The following MEGF10 variants were observed in gnomAD, a reference collection of about 807,000 sequenced individuals.
MEGF10 encodes multiple EGF like domains 10.
In MEGF10, 86 loss-of-function variants were observed where a neutral mutation model predicts 147.5. That is an observed-to-expected ratio of 0.58 (90% CI 0.49 to 0.70). The LOEUF (loss-of-function observed/expected upper bound fraction) is 0.70. Ranked by LOEUF, MEGF10 falls within the 30% of genes least tolerant of loss-of-function variation. MEGF10 has a pLI of 0.00. For missense variants in MEGF10, 1,329 were observed against 1,487.3 expected (o/e 0.89, Z 1.75); for synonymous variants, 478 against 525.5 (o/e 0.91, Z 1.24).
intron 1 of MEGF10, among the ~76,000 whole-genome samples, chr5:127,323,922 G>A (rs1412528081): frequency 6.6e-6 from 1 of 152,162 alleles, no homozygotes; most frequent in Non-Finnish European, 1.5e-5. Flanking sequence ...TTGAGCATCC[G>A]AATATCATAG....
chr5:127,231,102 A>G, the MEGF10 span, among the ~76,000 whole-genome samples: 2 of 152,124 alleles, frequency 1.3e-5, no homozygotes, highest in African/African-American at 2.4e-5. Context: ...TAAAGAACTG[A>G]ATCCTCCCCC....
In MEGF10 at chr5:127,423,744, A is replaced by G. The variant is rs79755334; in HGVS notation, c.1693+972A>G. Among the ~76,000 whole-genome samples, 1,339 of 152,126 alleles carry G rather than the reference A, an allele frequency of 8.8e-3. 21 individuals are homozygous for G. The highest frequency in any genetic ancestry group is 0.031 in the African/African-American group (1,284 of 41,508). On this transcript the variant is annotated intron_variant, in intron 13 of 24. Transcript: ENST00000503335. ...TTTTTAACTGGATTTTCTTTTTACT[A>G]TGGCGTTATAATCTTTATATTTTTT...
chr5:127,257,191 G>A, the MEGF10 span, among the ~76,000 whole-genome samples: 4 of 151,922 alleles, frequency 2.6e-5, no homozygotes, highest in Non-Finnish European at 4.4e-5. Context: ...CTGTGTGTGG[G>A]TGTGACTCCC....
chr5:127,268,627 A>C, the MEGF10 span, among the ~76,000 whole-genome samples: 1 of 152,232 alleles, frequency 6.6e-6, no homozygotes, highest in Non-Finnish European at 1.5e-5. Flanking sequence ...CAACTCAAGG[A>C]GGCCTGCCTG....
At chr5:127,358,139 A>G (rs1421283303) in intron 4 of MEGF10, among the ~76,000 whole-genome samples, 2 of 152,180 alleles carry the variant, frequency 1.3e-5, no homozygotes, top group Non-Finnish European at 2.9e-5. Context: ...CCGAAATGCA[A>G]AGGTTCCTGA....
Position 127,366,200 on chromosome 5 carries a change from G to A in MEGF10, c.320-3710G>A, listed in dbSNP as rs17165033. 7.8e-3 allele frequency among the ~76,000 whole-genome samples: 1,183 copies of A among 152,234 alleles called. 15 individuals are homozygous for A. The highest frequency in any genetic ancestry group is 0.028 in the African/African-American group (1,146 of 41,532). On this transcript the variant is annotated intron_variant, in intron 4 of 24. Transcript: ENST00000503335. ...GTGTCATGAATGTGCCATAGTCAGT[G>A]TTTCTGCACCTTGGTGAGTTGGGAC...
At chr5:127,387,322 C>T (rs1763469811) in intron 5 of MEGF10, among the ~76,000 whole-genome samples, 2 of 152,108 alleles carry the variant, frequency 1.3e-5, no homozygotes, top group African/African-American at 4.8e-5. Flanking sequence ...TCCATGTGTT[C>T]AAAGACTTTT....
intron 2 of MEGF10, among the ~76,000 whole-genome samples, chr5:127,335,937 A>G (rs188207888): frequency 3.3e-5 from 5 of 151,438 alleles, no homozygotes; most frequent in African/African-American, 9.7e-5. Flanking sequence ...AAGAAAAATA[A>G]TGTGTAAGAA....
Position 127,433,422 on chromosome 5 carries a change from TG to T in MEGF10, c.1754del (p.Cys585SerfsTer164). 1 of 1,614,100 alleles carries T rather than the reference TG, an allele frequency of 6.2e-7. No individual in the cohort carries two copies. Among genetic ancestry groups the T allele is most frequent in the Non-Finnish European group, 8.5e-7 (1 of 1,179,972 alleles). ...CTGGGGCCCCAACTGCTCCCTGCCC[TG>T]CTACTGTAAAAATGGGGCTTCATGC... Reference protein sequence around the residue: ...GRWGPNCSLPCYCKNGASCSP... With the variant: ...GRWGPNCSLPXYCKNGASCSP... On this transcript the variant is annotated frameshift_variant, in exon 14 of 25. Transcript: ENST00000503335. LOFTEE classifies it high-confidence loss of function.
rs76172546 is a variant in MEGF10, at chr5:127,384,129, C to A, written c.413-12403C>A. Among the ~76,000 whole-genome samples the A allele has an allele frequency of 1.5e-3, 230 of 152,282 alleles. 2 individuals carry two copies. The highest frequency in any genetic ancestry group is 5.4e-3 in the African/African-American group (223 of 41,542). On this transcript the variant is annotated intron_variant, in intron 5 of 24. Transcript: ENST00000503335. Reference sequence around the variant, plus strand: ...ACATGGACATAGGTCCTCTATGTTCCCAGCAATGTGTGCAATCCTGTCTCG... The same window carrying A: ...ACATGGACATAGGTCCTCTATGTTCACAGCAATGTGTGCAATCCTGTCTCG...
At chr5:127,415,113 A>G (rs1038754621) in intron 9 of MEGF10, among the ~76,000 whole-genome samples, 1 of 152,192 alleles carries the variant, frequency 6.6e-6, no homozygotes, top group African/African-American at 2.4e-5. Flanking sequence ...GAGAAATCCA[A>G]TGTGGTCAAG....
the MEGF10 span, among the ~76,000 whole-genome samples, chr5:127,271,890 T>G: frequency 6.6e-6 from 1 of 152,200 alleles, no homozygotes; most frequent in African/African-American, 2.4e-5. Flanking sequence ...ATTAATACAC[T>G]ATTTCGAGTT....
At chr5:127,366,756 C>T (rs543500921) in intron 4 of MEGF10, among the ~76,000 whole-genome samples, 6 of 152,270 alleles carry the variant, frequency 3.9e-5, no homozygotes, top group African/African-American at 1.4e-4. Context: ...TTTCATAAAA[C>T]ACAAAGTTTG....
chr5:127,447,364 AG>A (rs1248458417), intron 20 of MEGF10, among the ~76,000 whole-genome samples, 192 bp from the exon 21 acceptor site: 2 of 152,008 alleles, frequency 1.3e-5, no homozygotes, highest in African/African-American at 4.8e-5. Flanking sequence ...CTTTTAGTAG[AG>A]ATGGGGTTTT....
chr5:127,390,194 G>A lies in MEGF10; in HGVS notation c.413-6338G>A, dbSNP rs144780417. Among the ~76,000 whole-genome samples, 472 of 152,140 alleles carry A rather than the reference G, an allele frequency of 3.1e-3. 4 individuals are homozygous for A. The highest frequency in any genetic ancestry group is 0.011 in the African/African-American group (450 of 41,510). On this transcript the variant is annotated intron_variant, in intron 5 of 24. Transcript: ENST00000503335. ...CCCTTTTCCCTCTTTTCCCCAGATAGTAGTTTCAACCATATGCAGTTGCTG... is the reference window on the plus strand; with the variant it reads ...CCCTTTTCCCTCTTTTCCCCAGATAATAGTTTCAACCATATGCAGTTGCTG...
At chr5:127,343,316 T>A (rs1163010092) in intron 4 of MEGF10, among the ~76,000 whole-genome samples, 1 of 152,124 alleles carries the variant, frequency 6.6e-6, no homozygotes, top group African/African-American at 2.4e-5. Flanking sequence ...TTCTTTTATG[T>A]ACTCAAGTAG....
intron 7 of MEGF10, 63 bp from the exon 8 acceptor site, chr5:127,402,483 A>G: frequency 1.9e-6 from 3 of 1,547,432 alleles, no homozygotes; most frequent in African/African-American, 2.7e-5. Flanking sequence ...TTTCTTCTTC[A>G]TCCATCAGTT....
intron 5 of MEGF10, among the ~76,000 whole-genome samples, chr5:127,388,954 T>C (rs1763543789): frequency 6.6e-6 from 1 of 152,192 alleles, no homozygotes; most frequent in African/African-American, 2.4e-5. Flanking sequence ...CCTTACTCAG[T>C]GAATCATTAA....
chr5:127,338,130 A>G (rs1289886192), intron 2 of MEGF10, among the ~76,000 whole-genome samples: 2 of 152,062 alleles, frequency 1.3e-5, no homozygotes, highest in African/African-American at 4.8e-5. Flanking sequence ...TCATGCTGGC[A>G]TTTTAACTTC....
Sources: gnomAD v4.1 joint callset for allele counts (sites outside exome capture counted in the v4.1 genomes callset) on GRCh38, gnomAD v4.1.1 for gene constraint, MANE v1.5 for transcripts, NCBI Gene and HGNC (gene_info 2026-07-23, HGNC 2026-07-21) for gene names.